DBH: variants seen among roughly 807,000 people sequenced by gnomAD.
The protein encoded by DBH is dopamine beta-hydroxylase (dopamine beta-monooxygenase).
DBH carries 49 observed loss-of-function variants against 64.0 expected under a neutral mutation model. That is an observed-to-expected ratio of 0.77 (90% CI 0.61 to 0.97). DBH has a LOEUF of 0.97. Among genes scored for constraint, DBH ranks in the 50% least tolerant of loss-of-function variants. The pLI is 0.00. For synonymous variants in DBH, 343 were observed against 347.1 expected (o/e 0.99, Z 0.13); for missense variants, 828 against 826.6 (o/e 1.00, Z -0.02).
chr9:133,658,569 C>A lies in DBH; in HGVS notation c.*122C>A. On this transcript the variant is annotated 3_prime_UTR_variant, in exon 12 of 12. Transcript: ENST00000393056. ...GCACGCCCAGGATGAAGGGGCCAGA[C>A]CACGCCCCTGCCTGAGACCACGGTC... The A allele has an allele frequency of 1.7e-6, 2 of 1,156,898 alleles. No homozygotes were observed. The highest frequency in any genetic ancestry group is 2.4e-6 in the Non-Finnish European group (2 of 850,086). The allele number at this position is 1,156,898 out of a possible 1,614,324, so 71.7% of individuals were successfully genotyped here. A position where few individuals can be genotyped will look rare whatever the true frequency, so the allele number is the denominator to read the frequency against.
chr9:133,645,040 T>G (rs988605217), intron 5 of DBH, among the ~76,000 whole-genome samples: 16 of 152,208 alleles, frequency 1.1e-4, no homozygotes, highest in East Asian at 5.8e-4. Flanking sequence ...GAATGGTGCT[T>G]CTTCTTTTCA....
intron 5 of DBH, among the ~76,000 whole-genome samples, chr9:133,646,166 T>C (rs930089641): frequency 3.3e-5 from 5 of 152,290 alleles, no homozygotes; most frequent in Admixed American, 3.3e-4. Flanking sequence ...TCTTTTTTTT[T>C]CATTGTTGTT....
chr9:133,653,136 C>T (rs1832272208), intron 9 of DBH, 137 bp downstream of exon 9: 1 of 740,348 alleles, frequency 1.4e-6, no homozygotes, highest in Non-Finnish European at 2.4e-6. Flanking sequence ...TTCTCAGCTC[C>T]CTGAACCACA....
intron 2 of DBH, among the ~76,000 whole-genome samples, chr9:133,640,247 C>G (rs745364626): frequency 2.6e-5 from 4 of 152,248 alleles, no homozygotes; most frequent in Non-Finnish European, 5.9e-5. Flanking sequence ...GACATGGTTT[C>G]TAGATGCGGG....
chr9:133,656,442 C>T (rs1205439772), intron 9 of DBH, 81 bp from the exon 10 acceptor site: 2 of 1,593,270 alleles, frequency 1.3e-6, no homozygotes, highest in Non-Finnish European at 1.7e-6. Flanking sequence ...ACGCAGTGTA[C>T]ACGTGGGTGC....
In DBH at chr9:133,657,061, C is replaced by CCCCACCAGGTTCAACAACGAGGATGTCT. The variant is rs1564215294; in HGVS notation, c.1563-8_1582dup. ...GCTCCCCAGCCTGGCTGTTCCTTGT[C>CCCCACCAGGTTCAACAACGAGGATGTCT]CCCACCAGGTTCAACAACGAGGATG... On this transcript the variant is annotated splice_polypyrimidine_tract_variant and intron_variant, in intron 10 of 11. Transcript: ENST00000393056. 1 of 1,613,726 alleles carries CCCCACCAGGTTCAACAACGAGGATGTCT rather than the reference C, an allele frequency of 6.2e-7. No homozygotes were observed.
At position 133,651,628 on chromosome 9, in the gene DBH, C is replaced by T. The variant is rs765362740; in HGVS notation, c.1192-6C>T. ...GCCCTGACACTGCAGCCCCCCGACC[C>T]CACAGGCACTGCCTCCCTCCGGGAT... is the stretch of plus-strand genomic sequence containing the variant. On this transcript the variant is annotated splice_region_variant and splice_polypyrimidine_tract_variant and intron_variant, in intron 6 of 11. Transcript: ENST00000393056. The T allele has an allele frequency of 8.1e-6, 13 of 1,613,348 alleles. No homozygotes were observed. In the Admixed American group the frequency reaches 2.0e-4, roughly 25 times the overall value.
chr9:133,651,853 G>A (rs1381518407), intron 7 of DBH, 76 bp downstream of exon 7: 3 of 1,400,266 alleles, frequency 2.1e-6, no homozygotes, highest in African/African-American at 3.0e-5. Context: ...ACTGTTTCCT[G>A]ACACCATAGG....
intron 5 of DBH, among the ~76,000 whole-genome samples, chr9:133,644,926 A>C (rs1218715086): frequency 1.4e-5 from 2 of 147,194 alleles, no homozygotes; most frequent in Non-Finnish European, 3.0e-5. Context: ...CACCATATAT[A>C]GACACACACG....
intron 6 of DBH, among the ~76,000 whole-genome samples, chr9:133,648,680 G>A (rs1832211613): frequency 1.3e-5 from 2 of 152,242 alleles, no homozygotes; most frequent in South Asian, 4.1e-4. Flanking sequence ...TGCACGCTGG[G>A]TGGAGGCACA....
Position 133,657,497 on chromosome 9 carries a change from G to GGAGA in DBH, c.1722+286_1722+289dup, listed in dbSNP as rs149061808. Among the ~76,000 whole-genome samples, 171 of 143,116 alleles carry GGAGA rather than the reference G, an allele frequency of 1.2e-3. 1 individual carries two copies. The highest frequency in any genetic ancestry group is 4.0e-3 in the South Asian group (18 of 4,474). 93.9% of individuals were successfully genotyped at this position (143,116 alleles called of 152,430 possible). On this transcript the variant is annotated intron_variant, in intron 11 of 11. Coordinates refer to ENST00000393056, the MANE Select transcript of DBH (RefSeq NM_000787.4). ...GGGAGAGGGAGAGAGGAGAGAGAGA[G>GGAGA]GAGAGAGAGAGAGAGAGAGAGGGAG...
In DBH at chr9:133,651,657, C is replaced by T. The variant is rs144219953; in HGVS notation, c.1215C>T (p.His405=). 813 of 1,613,878 alleles carry T rather than the reference C, an allele frequency of 5.0e-4. 1 individual carries two copies. Among genetic ancestry groups the T allele is most frequent in the Admixed American group, 1.6e-3 (95 of 60,030 alleles). The change falls in exon 7 of 12, where the codon CAC becomes CAT. Residue 405 remains histidine, a synonymous_variant. Transcript: ENST00000393056. ...TQLALPPSGI[H]IFASQLHTHL... ...AGGCACTGCCTCCCTCCGGGATCCA[C>T]ATCTTCGCCTCTCAGCTCCACACAC...
chr9:133,651,741 C>G lies in DBH; in HGVS notation c.1299C>G (p.Ile433Met). Reference protein sequence around the residue: ...VLVRDGREWEIVNQDNHYSPH... With the variant: ...VLVRDGREWEMVNQDNHYSPH... ...TCCGGGACGGCCGGGAGTGGGAGAT[C>G]GTGAACCAGGACAATCACTACAGCC... is the stretch of plus-strand genomic sequence containing the variant. Residue 433 changes from isoleucine to methionine, a missense_variant, in exon 7 of 12, where the codon ATC (isoleucine) becomes ATG (methionine). Coordinates refer to ENST00000393056, the MANE Select transcript of DBH (RefSeq NM_000787.4). The G allele has an allele frequency of 1.9e-6, 3 of 1,613,320 alleles. No individual in the cohort carries two copies. Among genetic ancestry groups the G allele is most frequent in the Non-Finnish European group, 2.5e-6 (3 of 1,179,822 alleles).
chr9:133,648,381 C>T (rs12003344), intron 6 of DBH, among the ~76,000 whole-genome samples: 10,396 of 152,290 alleles, frequency 0.068, 713 homozygotes, highest in African/African-American at 0.18. Flanking sequence ...CTGCCGCCTC[C>T]CCCTGAGATA....
At chr9:133,657,453 AGAGAGGGAGAGG>A (rs1214918351) in intron 11 of DBH, 1 of 255,614 alleles carries the variant, frequency 3.9e-6, no homozygotes, top group Non-Finnish European at 6.7e-6. Flanking sequence ...GAGAGAGAGG[AGAGAGGGAGAGG>A]GAGAGAGGGA....
In DBH at chr9:133,658,620, C is replaced by A. The variant is rs939192156; in HGVS notation, c.*173C>A. ...CAATCCAGCCTTCTTCCCCCAGGGT[C>A]CCCTGCATGGCTGAGAGGGTGTGGG... On this transcript the variant is annotated 3_prime_UTR_variant, in exon 12 of 12. Transcript: ENST00000393056. 2.7e-6 allele frequency: 2 copies of A among 745,538 alleles called. No individual in the cohort carries two copies. The highest frequency in any genetic ancestry group is 2.9e-5 in the East Asian group (1 of 34,874). The allele number at this position is 745,538 out of a possible 1,614,324, so 46.2% of individuals were successfully genotyped here.
Position 133,643,392 on chromosome 9 carries a change from C to A in DBH, c.745-21C>A. ...AGGGTGGGCGGCCGGTTCCCGGGCTCAGAGGGCTGCCTCCTCACAGTACGA... is the reference window on the plus strand; with the variant it reads ...AGGGTGGGCGGCCGGTTCCCGGGCTAAGAGGGCTGCCTCCTCACAGTACGA... On this transcript the variant is annotated intron_variant, in intron 3 of 11. Transcript: ENST00000393056. The surrounding 1 kb of genome is among the most constrained non-coding windows in gnomAD (Gnocchi z 5.3). 6.2e-7 allele frequency: 1 copy of A among 1,613,498 alleles called. No individual in the cohort carries two copies. The highest frequency in any genetic ancestry group is 8.5e-7 in the Non-Finnish European group (1 of 1,179,954).
intron 9 of DBH, 146 bp downstream of exon 9, chr9:133,653,145 C>A: frequency 1.4e-6 from 1 of 716,110 alleles, no homozygotes; most frequent in Non-Finnish European, 2.5e-6. Context: ...CCCTGAACCA[C>A]AGTGGCAGCA....
In DBH at chr9:133,658,411, C is replaced by T. The variant is rs1832364058; in HGVS notation, c.1818C>T (p.Gly606=). 6.2e-7 allele frequency: 1 copy of T among 1,613,192 alleles called. No homozygotes were observed. Among genetic ancestry groups the T allele is most frequent in the Non-Finnish European group, 8.5e-7 (1 of 1,179,548 alleles). Reference sequence around the variant, plus strand: ...CCAGCCAGGGCCGAAGCCCTGCTGGCCCCACCGTTGTCAGCATTGGTGGGG... The same window carrying T: ...CCAGCCAGGGCCGAAGCCCTGCTGGTCCCACCGTTGTCAGCATTGGTGGGG... ...CPTSQGRSPA[G]PTVVSIGGGK... The change falls in exon 12 of 12, where the codon GGC becomes GGT. Residue 606 remains glycine, a synonymous_variant. Transcript: ENST00000393056.
Sources: allele counts gnomAD v4.1 joint callset (sites outside exome capture counted in the v4.1 genomes callset), GRCh38; gene constraint gnomAD v4.1.1; non-coding constraint Gnocchi (gnomAD v3.1); transcripts MANE v1.5; gene names NCBI Gene and HGNC (gene_info 2026-07-23, HGNC 2026-07-21).